The following MACROD2 variants were observed in gnomAD, a reference collection of about 807,000 sequenced individuals.
MACROD2 encodes ADP-ribose glycohydrolase MACROD2.
A neutral mutation model predicts 70.4 loss-of-function variants in MACROD2; 36 were observed. That is an observed-to-expected ratio of 0.51 (90% CI 0.39 to 0.68). The LOEUF is 0.68. Among genes scored for constraint, MACROD2 ranks in the 30% least tolerant of loss-of-function variants. The pLI, the probability that MACROD2 is intolerant of heterozygous loss-of-function variation, is 0.00. For missense variants in MACROD2, 496 were observed against 538.4 expected (o/e 0.92, Z 0.78); for synonymous variants, 172 against 178.8 (o/e 0.96, Z 0.30).
At chr20:15,494,597 G>A (rs1188664706) in intron 7 of MACROD2, among the ~76,000 whole-genome samples, 3 of 152,130 alleles carry the variant, frequency 2.0e-5, no homozygotes, top group Non-Finnish European at 4.4e-5. Context: ...ATTCATATAT[G>A]TGGAGTATAA....
In MACROD2 at chr20:15,394,502, C is replaced by T. The variant is rs541554851; in HGVS notation, c.541-36903C>T. Among the ~76,000 whole-genome samples the T allele has an allele frequency of 2.0e-5, 3 of 152,294 alleles. No individual in the cohort carries two copies. The South Asian group carries it at 6.2e-4, about 32-fold the overall frequency. On this transcript the variant is annotated intron_variant, in intron 6 of 17. Coordinates refer to ENST00000684519, the MANE Select transcript of MACROD2 (RefSeq NM_001351661.2). Reference sequence around the variant, plus strand: ...CAATGTTTTACATCTTAAATTATTCCTCTTGCACAGTCTGATTAAAGCTTG... The same window carrying T: ...CAATGTTTTACATCTTAAATTATTCTTCTTGCACAGTCTGATTAAAGCTTG...
At chr20:15,368,963 T>C (rs1000325662) in intron 6 of MACROD2, among the ~76,000 whole-genome samples, 5 of 152,230 alleles carry the variant, frequency 3.3e-5, no homozygotes, top group Non-Finnish European at 7.3e-5. Context: ...GATTAATCTT[T>C]GTTATTCTGC....
chr20:15,866,434 G>T (rs2064494828), intron 9 of MACROD2, among the ~76,000 whole-genome samples: 1 of 151,256 alleles, frequency 6.6e-6, no homozygotes, highest in Admixed American at 6.6e-5. Context: ...ATATTGTAGA[G>T]ATTTTAAAAC....
At chr20:14,681,981 C>G (rs1489731582) in intron 4 of MACROD2, among the ~76,000 whole-genome samples, 1 of 152,046 alleles carries the variant, frequency 6.6e-6, no homozygotes, top group East Asian at 1.9e-4. Flanking sequence ...TAAGGTTGTC[C>G]TTAGTGCAGT....
chr20:15,878,221 G>A (rs73101673), intron 9 of MACROD2, among the ~76,000 whole-genome samples: 1 of 152,222 alleles, frequency 6.6e-6, no homozygotes, highest in Non-Finnish European at 1.5e-5. Context: ...CTCAAACCCA[G>A]CAACCATGTG....
rs79163568 is a variant in MACROD2 at position 15,418,953 on chromosome 20, C to G, written c.541-12452C>G. Among the ~76,000 whole-genome samples the G allele has an allele frequency of 4.3e-3, 648 of 152,200 alleles. 6 individuals carry two copies. The highest frequency in any genetic ancestry group is 5.1e-3 in the Non-Finnish European group (350 of 68,012). On this transcript the variant is annotated intron_variant, in intron 6 of 17. Transcript: ENST00000684519. ...TCCTCTGAGGTTCTGCCAAAATAAC[C>G]CTGCAGGTTTATTTTGCTTTAAAAG...
chr20:14,668,107 T>C (rs536347377), intron 4 of MACROD2, among the ~76,000 whole-genome samples: 3 of 152,000 alleles, frequency 2.0e-5, no homozygotes, highest in African/African-American at 7.2e-5. Flanking sequence ...TGAGCTATGA[T>C]TGCACCACTA....
Position 14,295,949 on chromosome 20 carries a change from C to T in MACROD2, c.272-197530C>T, listed in dbSNP as rs990508375. Among the ~76,000 whole-genome samples, 11 of 151,984 alleles carry T rather than the reference C, an allele frequency of 7.2e-5. No homozygotes were observed. The South Asian group carries it at 1.9e-3, about 26-fold the overall frequency. ...CAGAATTTTGAGGTACTATTCTTGG[C>T]CTGTCAATTACTCAGGCTGATTCTA... On this transcript the variant is annotated intron_variant, in intron 3 of 17. Coordinates refer to ENST00000684519, the MANE Select transcript of MACROD2 (RefSeq NM_001351661.2).
At chr20:15,072,968 G>A (rs764357385) in intron 5 of MACROD2, among the ~76,000 whole-genome samples, 12 of 152,076 alleles carry the variant, frequency 7.9e-5, no homozygotes, top group Non-Finnish European at 1.5e-5. Flanking sequence ...AAGTGGGTTT[G>A]TTAGCATGAG....
chr20:15,859,520 C>G (rs894178405), intron 8 of MACROD2, among the ~76,000 whole-genome samples: 1 of 152,142 alleles, frequency 6.6e-6, no homozygotes, highest in Non-Finnish European at 1.5e-5. Context: ...TTCATAAACA[C>G]GGAGCTTGTC....
intron 4 of MACROD2, among the ~76,000 whole-genome samples, chr20:14,517,705 G>A (rs1281023189): frequency 6.6e-6 from 1 of 152,076 alleles, no homozygotes; most frequent in Admixed American, 6.6e-5. Flanking sequence ...TTAATTTGAT[G>A]TATTGTATAT....
intron 5 of MACROD2, among the ~76,000 whole-genome samples, chr20:15,093,340 A>G (rs1203118696): frequency 6.6e-6 from 1 of 152,144 alleles, no homozygotes; most frequent in Non-Finnish European, 1.5e-5. Context: ...ATTTGAAACC[A>G]CTAATGATTG....
intron 2 of MACROD2, among the ~76,000 whole-genome samples, chr20:14,066,039 A>G (rs1041745606): frequency 6.6e-6 from 1 of 152,046 alleles, no homozygotes; most frequent in Middle Eastern, 3.2e-3. Flanking sequence ...AGTTCTGTGG[A>G]TTACATTTTT....
intron 5 of MACROD2, among the ~76,000 whole-genome samples, chr20:15,014,789 C>T (rs560446854): frequency 3.9e-5 from 6 of 152,004 alleles, no homozygotes; most frequent in East Asian, 1.9e-4. Flanking sequence ...TTATATAATC[C>T]GTAACAGATT....
At chr20:14,340,418 C>T (rs1462774054) in intron 3 of MACROD2, among the ~76,000 whole-genome samples, 1 of 152,128 alleles carries the variant, frequency 6.6e-6, no homozygotes, top group African/African-American at 2.4e-5. Context: ...GGGGGACATC[C>T]AAGCACCTGG....
chr20:16,006,257 T>G (rs2066787069), intron 15 of MACROD2, among the ~76,000 whole-genome samples: 1 of 152,182 alleles, frequency 6.6e-6, no homozygotes, highest in Non-Finnish European at 1.5e-5. Flanking sequence ...ATCGGGTCAG[T>G]TGGTTCCTTT....
intron 5 of MACROD2, among the ~76,000 whole-genome samples, chr20:14,892,033 C>A (rs992698108): frequency 6.6e-6 from 1 of 152,258 alleles, no homozygotes; most frequent in Middle Eastern, 3.4e-3. Flanking sequence ...AGTATTCTAT[C>A]ATGTGACTGT....
rs369327567 is a variant in MACROD2 at position 15,111,196 on chromosome 20, G to A, written c.419-118744G>A. Among the ~76,000 whole-genome samples, 266 of 142,150 alleles carry A rather than the reference G, an allele frequency of 1.9e-3. 1 individual carries two copies. Among genetic ancestry groups the A allele is most frequent in the African/African-American group, 6.7e-3 (248 of 36,888 alleles). 93.3% of individuals were successfully genotyped at this position (142,150 alleles called of 152,430 possible). On this transcript the variant is annotated intron_variant, in intron 5 of 17. Transcript: ENST00000684519. ...TTGTTTGTTTTTTTTTTTTTGCGAC[G>A]GAGTCTCACTCTGTTGCCCAGGTTG...
intron 8 of MACROD2, among the ~76,000 whole-genome samples, chr20:15,750,330 T>C (rs2051249405): frequency 6.6e-6 from 1 of 152,044 alleles, no homozygotes; most frequent in African/African-American, 2.4e-5. Context: ...ATGGCTATAA[T>C]TAAAAATACT....
Sources: gnomAD v4.1 joint callset for allele counts (sites outside exome capture counted in the v4.1 genomes callset) on GRCh38, gnomAD v4.1.1 for gene constraint, MANE v1.5 for transcripts, NCBI Gene and HGNC (gene_info 2026-07-23, HGNC 2026-07-21) for gene names.